The following DNAH6 variants were observed in gnomAD, a reference collection of about 807,000 sequenced individuals.
DNAH6 encodes the protein axonemal beta dynein heavy chain 6.
A neutral mutation model predicts 491.4 loss-of-function variants in DNAH6; 340 were observed. That is an observed-to-expected ratio of 0.69 (90% CI 0.63 to 0.76). DNAH6 has a LOEUF of 0.76. Ranked by LOEUF, DNAH6 falls within the 30% of genes least tolerant of loss-of-function variation. The pLI, the probability that DNAH6 is intolerant of heterozygous loss-of-function variation, is 0.00. For missense variants in DNAH6, 4,443 were observed against 4,972.2 expected, an observed-to-expected ratio of 0.89 and a Z score of 3.20; for synonymous variants, 1,603 against 1,686.1, an observed-to-expected ratio of 0.95 and a Z score of 1.21.
chr2:84,580,580 A>C (rs1027731606), intron 14 of DNAH6, among the ~76,000 whole-genome samples: 2 of 152,254 alleles, frequency 1.3e-5, no homozygotes, highest in Admixed American at 6.5e-5. Context: ...TAACCAAATT[A>C]ATAATAAATG....
the DNAH6 span, among the ~76,000 whole-genome samples, chr2:84,503,130 T>G: frequency 6.6e-6 from 1 of 152,050 alleles, no homozygotes; most frequent in African/African-American, 2.4e-5. Context: ...ATTACTTAGT[T>G]TTGTGTGTGT....
upstream of DNAH6, among the ~76,000 whole-genome samples, chr2:84,515,989 GAGCCTTA>G (rs1421849612): frequency 2.0e-5 from 3 of 152,182 alleles, no homozygotes; most frequent in Non-Finnish European, 4.4e-5. Context: ...CACATTTCTT[GAGCCTTA>G]AGACACTCGG....
At chr2:84,637,114 T>C (rs1688956509) in intron 30 of DNAH6, 96 bp from the exon 31 acceptor site, 1 of 1,066,078 alleles carries the variant, frequency 9.4e-7, no homozygotes, top group Non-Finnish European at 1.3e-6. Context: ...TTTGCTTTAG[T>C]GCTTCATTAC....
Position 84,626,852 on chromosome 2 carries a change from C to T in DNAH6, c.4515+1789C>T, listed in dbSNP as rs555341363. ...TGAACTCCTGACCTCGTGATCCACC[C>T]GCTTTGGCCTCCCAAAGTGCTGGGA... On this transcript the variant is annotated intron_variant, in intron 29 of 76. Coordinates refer to ENST00000389394, the MANE Select transcript of DNAH6 (RefSeq NM_001370.2). Among the ~76,000 whole-genome samples the T allele has an allele frequency of 1.7e-3, 253 of 152,302 alleles. 1 individual carries two copies. Among genetic ancestry groups the T allele is most frequent in the African/African-American group, 5.7e-3 (237 of 41,572 alleles).
chr2:84,801,664 G>A lies in DNAH6; in HGVS notation c.11482-4001G>A, dbSNP rs184723620. The stretch of plus-strand genomic sequence containing the variant: ...TTTGAGAGGCTGAGGCAAGTGGTTC[G>A]CCTCAGCTCAGGAGTTCCAGACCAG... On this transcript the variant is annotated intron_variant, in intron 70 of 76. Transcript: ENST00000389394. Among the ~76,000 whole-genome samples, 12 of 152,050 alleles carry A rather than the reference G, an allele frequency of 7.9e-5. No individual in the cohort carries two copies. The East Asian group carries it at 1.9e-3, about 25-fold the overall frequency.
chr2:84,656,507 G>T lies in DNAH6; in HGVS notation c.5757+1725G>T, dbSNP rs1690986523. On this transcript the variant is annotated intron_variant, in intron 35 of 76. Transcript: ENST00000389394. ...TCTAATGGGCACGTAGTAGTATATT[G>T]TTTTAATTTGCAATTTCTAATGACA... 3.3e-5 allele frequency among the ~76,000 whole-genome samples: 5 copies of T among 152,064 alleles called. No individual in the cohort carries two copies. The South Asian group carries it at 1.0e-3, about 32-fold the overall frequency.
At chr2:84,587,458 A>G (rs1683677947) in intron 15 of DNAH6, among the ~76,000 whole-genome samples, 1 of 152,206 alleles carries the variant, frequency 6.6e-6, no homozygotes, top group East Asian at 1.9e-4. Flanking sequence ...ATGCACTTAC[A>G]CAAAATGAAA....
At chr2:84,654,262 G>C (rs953463809) in intron 34 of DNAH6, among the ~76,000 whole-genome samples, 1 of 152,054 alleles carries the variant, frequency 6.6e-6, no homozygotes, top group Non-Finnish European at 1.5e-5. Flanking sequence ...GAGGAATGTG[G>C]ACCAAGTACA....
rs1320272486 is a variant in DNAH6, at chr2:84,787,229, A to G, written c.11166A>G (p.Glu3722=). 1.9e-6 allele frequency: 3 copies of G among 1,543,892 alleles called. No homozygotes were observed. The highest frequency in any genetic ancestry group is 2.6e-6 in the Non-Finnish European group (3 of 1,141,006). The change falls in exon 68 of 77, where the codon GAA becomes GAG. Residue 3722 remains glutamate (E), a synonymous_variant. Transcript: ENST00000389394. Reference sequence around the variant, plus strand: ...ATGAATTTAATGACAGTGACAGGGAATGTGCTTTACTGAATCTCAAACTCT... The same window carrying G: ...ATGAATTTAATGACAGTGACAGGGAGTGTGCTTTACTGAATCTCAAACTCT... ...ICYEFNDSDR[E]CALLNLKLYC... is the part of the protein sequence containing the mutation.
chr2:84,467,866 TA>T, the DNAH6 span, among the ~76,000 whole-genome samples: 1 of 152,186 alleles, frequency 6.6e-6, no homozygotes, highest in Non-Finnish European at 1.5e-5. Flanking sequence ...TTAAGGTAGG[TA>T]AATTGAACAA....
chr2:84,499,628 T>C, the DNAH6 span, among the ~76,000 whole-genome samples: 157 of 152,322 alleles, frequency 1.0e-3, 1 homozygote, highest in Non-Finnish European at 2.0e-3. Context: ...CAGTTCTCCA[T>C]AGTGGTTGTA....
chr2:84,514,423 G>A (rs890034783), upstream of DNAH6, among the ~76,000 whole-genome samples: 1 of 152,104 alleles, frequency 6.6e-6, no homozygotes, highest in African/African-American at 2.4e-5. Flanking sequence ...TTATTGCAAT[G>A]ATTAGTGGAA....
At chr2:84,682,317 C>T (rs1693862134) in intron 42 of DNAH6, among the ~76,000 whole-genome samples, 1 of 152,276 alleles carries the variant, frequency 6.6e-6, no homozygotes, top group Non-Finnish European at 1.5e-5. Context: ...GGGGTCCCCC[C>T]TCACTGCCTG....
intron 56 of DNAH6, among the ~76,000 whole-genome samples, chr2:84,711,058 G>A (rs1405870320): frequency 6.6e-6 from 1 of 152,164 alleles, no homozygotes; most frequent in Admixed American, 6.5e-5. Flanking sequence ...GACAGAGACA[G>A]TAAACAGAGA....
At chr2:84,662,567 C>CCGCT (rs1558871457) in intron 37 of DNAH6, among the ~76,000 whole-genome samples, 3 of 151,966 alleles carry the variant, frequency 2.0e-5, no homozygotes, top group African/African-American at 4.8e-5. Flanking sequence ...GGGTGCCCAC[C>CCGCT]ATTGCTGAGG....
intron 9 of DNAH6, among the ~76,000 whole-genome samples, chr2:84,551,017 A>C (rs2104557867): frequency 6.6e-6 from 1 of 152,256 alleles, no homozygotes; most frequent in Middle Eastern, 3.4e-3. Context: ...TTTCCCAGTA[A>C]GTTTTGCCCT....
rs183157121 is a variant in DNAH6 at position 84,727,584 on chromosome 2, G to A, written c.9973-85G>A. ...TCTCCCATGCTGCCATTTACTCACT[G>A]AATGCGAACAAGGGAGACAGATTTT... On this transcript the variant is annotated intron_variant, in intron 60 of 76. Coordinates refer to ENST00000389394, the MANE Select transcript of DNAH6 (RefSeq NM_001370.2). 7.2e-4 allele frequency: 574 copies of A among 800,810 alleles called. 3 individuals carry two copies. In the African/African-American group the frequency reaches 9.2e-3, roughly 13 times the overall value. The allele number at this position is 800,810 out of a possible 1,614,324, so 49.6% of individuals were successfully genotyped here.
Position 84,705,525 on chromosome 2 carries a change from T to C in DNAH6, c.8505T>C (p.Ser2835=), listed in dbSNP as rs1696345756. 3 of 1,550,944 alleles carry C rather than the reference T, an allele frequency of 1.9e-6. No individual in the cohort carries two copies. The highest frequency in any genetic ancestry group is 2.7e-5 in the African/African-American group (2 of 72,920). ...CAGCAAAGCAACTTCTTGGTGACTC[T>C]AACTTTCTAAAAAGGCTTTTAGAAT... ...WPSAKQLLGD[S]NFLKRLLEYD... is the part of the protein sequence containing the mutation. The change falls in exon 52 of 77, where the codon TCT becomes TCC. Residue 2835 remains serine (S), a synonymous_variant. Coordinates refer to ENST00000389394, the MANE Select transcript of DNAH6 (RefSeq NM_001370.2).
At chr2:84,472,795 C>A in the DNAH6 span, among the ~76,000 whole-genome samples, 1 of 152,196 alleles carries the variant, frequency 6.6e-6, no homozygotes, top group Non-Finnish European at 1.5e-5. Flanking sequence ...TATGTGCTCT[C>A]ATGTGAGTGA....
Sources: gnomAD v4.1 joint callset for allele counts (sites outside exome capture counted in the v4.1 genomes callset) on GRCh38, gnomAD v4.1.1 for gene constraint, MANE v1.5 for transcripts, NCBI Gene and HGNC (gene_info 2026-07-23, HGNC 2026-07-21) for gene names.